The following FBXL13 variants were observed in gnomAD, a reference collection of about 807,000 sequenced individuals.
FBXL13 encodes the protein F-box and leucine rich repeat protein 13.
Under a neutral mutation model 83.6 loss-of-function variants are expected in FBXL13, and 67 were observed. The ratio of observed to expected loss-of-function variants is 0.80; its 90% CI spans 0.66 to 0.98. The LOEUF (loss-of-function observed/expected upper bound fraction) is 0.98. Ranked by LOEUF, FBXL13 falls within the 50% of genes least tolerant of loss-of-function variation. FBXL13 has a pLI of 0.00. For missense variants in FBXL13, 822 were observed against 866.5 expected (o/e 0.95, Z 0.64); for synonymous variants, 272 against 299.5 (o/e 0.91, Z 0.95).
At chr7:102,839,467 C>T (rs543323854) in intron 17 of FBXL13, among the ~76,000 whole-genome samples, 5 of 152,298 alleles carry the variant, frequency 3.3e-5, no homozygotes, top group African/African-American at 4.8e-5. Flanking sequence ...TCCCACCTGA[C>T]GAGAAATACC....
chr7:102,928,938 A>G (rs1204548850), intron 9 of FBXL13, among the ~76,000 whole-genome samples: 1 of 152,236 alleles, frequency 6.6e-6, no homozygotes, highest in Non-Finnish European at 1.5e-5. Flanking sequence ...ATGTCTGTCT[A>G]TGCCTCCATT....
chr7:102,843,456 C>A lies in FBXL13; in HGVS notation c.1720-10482G>T, dbSNP rs77049205. 9.9e-3 allele frequency among the ~76,000 whole-genome samples: 1,503 copies of A among 151,422 alleles called. 22 individuals are homozygous for A. The highest frequency in any genetic ancestry group is 0.034 in the African/African-American group (1,416 of 41,246). ...TCCATCTCAAAAACAAAAACAAAAA[C>A]AAAAAACAAAAAAACCTGCCACAGC... On this transcript the variant is annotated intron_variant, in intron 17 of 19. Transcript: ENST00000313221.
intron 7 of FBXL13, among the ~76,000 whole-genome samples, chr7:102,965,544 A>G (rs922113533): frequency 8.5e-5 from 13 of 152,242 alleles, no homozygotes; most frequent in African/African-American, 2.7e-4. Context: ...TACACAACAC[A>G]TAAGTCATAT....
chr7:102,879,673 A>C (rs1244547105), intron 14 of FBXL13, among the ~76,000 whole-genome samples: 1 of 152,054 alleles, frequency 6.6e-6, no homozygotes, highest in African/African-American at 2.4e-5. Context: ...ATAGCTCTGA[A>C]GTGGGGCTTG....
intron 8 of FBXL13, chr7:102,933,705 T>C (rs1381356800): frequency 2.3e-6 from 1 of 433,554 alleles, no homozygotes; most frequent in Non-Finnish European, 4.0e-6. Context: ...AAAAGTCTGT[T>C]CTTATCTGTC....
At chr7:102,991,245 A>G (rs959135287) in intron 6 of FBXL13, among the ~76,000 whole-genome samples, 1 of 152,224 alleles carries the variant, frequency 6.6e-6, no homozygotes, top group African/African-American at 2.4e-5. Flanking sequence ...AGCTGAGTAG[A>G]TGATAGTGCC....
At chr7:102,897,115 TTA>T (rs149290480) in intron 11 of FBXL13, among the ~76,000 whole-genome samples, 14 of 151,656 alleles carry the variant, frequency 9.2e-5, no homozygotes, top group African/African-American at 1.7e-4. Flanking sequence ...TACATATATT[TTA>T]TATATATGTA....
At chr7:102,837,074 T>G (rs1802115181) in intron 17 of FBXL13, among the ~76,000 whole-genome samples, 1 of 152,244 alleles carries the variant, frequency 6.6e-6, no homozygotes, top group African/African-American at 2.4e-5. Flanking sequence ...AGATATCAAC[T>G]AAATACAAAA....
At chr7:102,824,635 G>A (rs980917310) in intron 18 of FBXL13, among the ~76,000 whole-genome samples, 28 of 151,946 alleles carry the variant, frequency 1.8e-4, no homozygotes, top group East Asian at 3.9e-4. Context: ...ACAGGTGCCC[G>A]CCACCACGCC....
intron 1 of FBXL13, among the ~76,000 whole-genome samples, chr7:103,066,018 G>C (rs1204646541): frequency 6.6e-6 from 1 of 152,168 alleles, no homozygotes; most frequent in African/African-American, 2.4e-5. Context: ...CTCCCTCCAG[G>C]GTCCCTCCAG....
intron 6 of FBXL13, among the ~76,000 whole-genome samples, chr7:102,983,891 TG>T (rs1262320929): frequency 1.3e-5 from 2 of 152,170 alleles, no homozygotes; most frequent in Non-Finnish European, 2.9e-5. Context: ...TCAGGGCACA[TG>T]TGGAAGCTTT....
At chr7:103,002,001 T>G (rs1237305255) in intron 6 of FBXL13, among the ~76,000 whole-genome samples, 1 of 152,200 alleles carries the variant, frequency 6.6e-6, no homozygotes, top group African/African-American at 2.4e-5. Context: ...GGGCCCTAAC[T>G]AATACAATAG....
In FBXL13 at chr7:102,988,230, C is replaced by G. The variant is rs1039893260; in HGVS notation, c.496-20113G>C. ...AGAATTAATGCTGAAGAAGCTATTG[C>G]AGGTCAGTGGTCAGTCTAGCTAGCA... On this transcript the variant is annotated intron_variant, in intron 6 of 19. Coordinates refer to ENST00000313221, the Ensembl canonical transcript of FBXL13. 3 of 152,324 alleles carry G rather than the reference C, an allele frequency of 2.0e-5. 1 individual carries two copies. The highest frequency in any genetic ancestry group is 2.0e-4 in the Admixed American group (3 of 15,300). The allele number at this position is 152,324 out of a possible 1,614,324, so 9.4% of individuals were successfully genotyped here.
chr7:102,835,845 G>A (rs887309469), intron 17 of FBXL13, among the ~76,000 whole-genome samples: 1 of 151,828 alleles, frequency 6.6e-6, no homozygotes, highest in Non-Finnish European at 1.5e-5. Context: ...TCCTGACCTC[G>A]TGATCCGCCC....
intron 6 of FBXL13, among the ~76,000 whole-genome samples, chr7:102,987,557 C>T (rs533835045): frequency 2.0e-5 from 3 of 152,082 alleles, no homozygotes; most frequent in East Asian, 1.9e-4. Flanking sequence ...GCATTTTATA[C>T]GAATTTGAAT....
At chr7:102,956,832 G>A (rs989636801) in intron 8 of FBXL13, among the ~76,000 whole-genome samples, 3 of 152,158 alleles carry the variant, frequency 2.0e-5, no homozygotes, top group African/African-American at 7.2e-5. Context: ...TACAAGGGAT[G>A]TGAAGGACCT....
rs572050936 is a variant in FBXL13, at chr7:103,069,996, G to A, written c.-105+4250C>T. On this transcript the variant is annotated intron_variant, in intron 1 of 19. Coordinates refer to ENST00000313221, the Ensembl canonical transcript of FBXL13. Reference sequence around the variant, plus strand: ...CGGGAGGCTGAGGCAGGAGAATGGCGTGAAGCCAGGAGGCGGAGCTTGCAG... The same window carrying A: ...CGGGAGGCTGAGGCAGGAGAATGGCATGAAGCCAGGAGGCGGAGCTTGCAG... 1.3e-3 allele frequency among the ~76,000 whole-genome samples: 192 copies of A among 150,926 alleles called. 1 individual carries two copies. Among genetic ancestry groups the A allele is most frequent in the African/African-American group, 4.4e-3 (179 of 41,142 alleles).
chr7:102,854,802 T>C lies in FBXL13; in HGVS notation c.1694A>G (p.Tyr565Cys), dbSNP rs17136118. 12,564 of 1,590,096 alleles carry C rather than the reference T, an allele frequency of 7.9e-3. 692 individuals carry two copies. In the East Asian group the frequency reaches 0.14, roughly 18 times the overall value. Residue 565 changes from tyrosine (Y) to cysteine (C), a missense_variant, in exon 17 of 20, where the codon TAT becomes TGT. Physicochemically the swap from Tyr to Cys is radical, Grantham distance 194. Transcript: ENST00000313221. ...CTGAATTCCATCATCAGTGATTCTA[T>C]AACATTCAGATACAGAAAGTTCCTT... is the stretch of plus-strand genomic sequence containing the variant.
chr7:102,925,142 C>A (rs1007159251), intron 10 of FBXL13, among the ~76,000 whole-genome samples: 1 of 152,190 alleles, frequency 6.6e-6, no homozygotes, highest in Admixed American at 6.5e-5. Context: ...GTGGCTCATG[C>A]CAGCACTTTG....
Sources: gnomAD v4.1 joint callset for allele counts (sites outside exome capture counted in the v4.1 genomes callset) on GRCh38, gnomAD v4.1.1 for gene constraint, MANE v1.5 for transcripts, NCBI Gene and HGNC (gene_info 2026-07-23, HGNC 2026-07-21) for gene names.